Variants in GALNT17 observed in about 807,000 individuals in gnomAD.
GALNT17 encodes polypeptide N-acetylgalactosaminyltransferase 17, also known as UDP-GalNAc:polypeptide N-acetylgalactosaminyltransferase-like 3.
In GALNT17, 29 loss-of-function variants were observed where a neutral mutation model predicts 63.7. The ratio of observed to expected loss-of-function variants is 0.46; its 90% CI spans 0.34 to 0.62. The LOEUF (loss-of-function observed/expected upper bound fraction) is 0.62. GALNT17 is among the 20% of genes least tolerant of loss of function. GALNT17 has a pLI of 0.01. For missense variants in GALNT17, 603 were observed against 799.6 expected (o/e 0.75, Z 2.97); for synonymous variants, 305 against 318.3 (o/e 0.96, Z 0.45).
chr7:71,669,939 C>G (rs1242895653), intron 7 of GALNT17, 33 bp from the exon 8 acceptor site: 1 of 1,612,538 alleles, frequency 6.2e-7, no homozygotes, highest in Non-Finnish European at 8.5e-7. Context: ...GCTCCACAGT[C>G]ACTAACACCC....
At chr7:71,479,333 T>C (rs2116636639) in intron 5 of GALNT17, among the ~76,000 whole-genome samples, 1 of 152,144 alleles carries the variant, frequency 6.6e-6, no homozygotes, top group Middle Eastern at 3.4e-3. Context: ...CCCCACTCAG[T>C]TTTGCACTGG....
rs1048909588 is a variant in GALNT17, at chr7:71,229,440, C to G, written c.238+96400C>G. 7.2e-5 allele frequency among the ~76,000 whole-genome samples: 11 copies of G among 152,318 alleles called. No homozygotes were observed. The East Asian group carries it at 1.9e-3, about 27-fold the overall frequency. On this transcript the variant is annotated intron_variant, in intron 1 of 10. Coordinates refer to ENST00000333538, the MANE Select transcript of GALNT17 (RefSeq NM_022479.3). ...TCATGTTTTGGAGCGTTTCCTGGCT[C>G]TTTCGTCAGCCTCAGTCCATTTGGA...
chr7:71,551,710 A>G (rs1451189808), intron 5 of GALNT17, among the ~76,000 whole-genome samples: 1 of 151,506 alleles, frequency 6.6e-6, no homozygotes, highest in Non-Finnish European at 1.5e-5. Context: ...TTGAGCTATG[A>G]TCACACCACT....
chr7:71,491,533 A>G (rs560321161), intron 5 of GALNT17, among the ~76,000 whole-genome samples: 1 of 152,276 alleles, frequency 6.6e-6, no homozygotes, highest in African/African-American at 2.4e-5. Context: ...TTAATCCACT[A>G]TCTGTGCAGT....
intron 1 of GALNT17, among the ~76,000 whole-genome samples, chr7:71,211,289 T>A (rs1789372714): frequency 6.6e-6 from 1 of 152,138 alleles, no homozygotes; most frequent in South Asian, 2.1e-4. Context: ...CGAGATCTGA[T>A]GGGTTTATCA....
intron 5 of GALNT17, among the ~76,000 whole-genome samples, chr7:71,538,550 T>A (rs1017427876): frequency 2.0e-5 from 3 of 152,084 alleles, no homozygotes; most frequent in South Asian, 2.1e-4. Flanking sequence ...AACTTGAGAG[T>A]GAGAGTTCAG....
At chr7:71,643,341 G>A (rs752637810) in intron 6 of GALNT17, among the ~76,000 whole-genome samples, 1 of 151,964 alleles carries the variant, frequency 6.6e-6, no homozygotes, top group African/African-American at 2.4e-5. Context: ...GGTGGCGTGT[G>A]CCTGTAATCC....
chr7:71,519,825 G>A (rs1788501377), intron 5 of GALNT17, among the ~76,000 whole-genome samples: 1 of 152,082 alleles, frequency 6.6e-6, no homozygotes, highest in African/African-American at 2.4e-5. Flanking sequence ...GCACCTAGAA[G>A]GCATTCAGTC....
chr7:71,688,377 A>G (rs998515684), intron 9 of GALNT17, among the ~76,000 whole-genome samples: 1 of 151,842 alleles, frequency 6.6e-6, no homozygotes, highest in Non-Finnish European at 1.5e-5. Context: ...CTGTGTGTAC[A>G]CTCCTTGCAG....
chr7:71,473,390 C>T (rs1044867421), intron 5 of GALNT17, among the ~76,000 whole-genome samples: 2 of 152,130 alleles, frequency 1.3e-5, no homozygotes, highest in African/African-American at 2.4e-5. Context: ...ACACATTTTC[C>T]TCAGAAAAGA....
chr7:71,214,281 TC>T (rs758939679), intron 1 of GALNT17, among the ~76,000 whole-genome samples: 1 of 152,256 alleles, frequency 6.6e-6, no homozygotes, highest in Non-Finnish European at 1.5e-5. Context: ...TAACAGCTTT[TC>T]TGGACGAAGA....
At chr7:71,601,724 G>A (rs1789969821) in intron 6 of GALNT17, among the ~76,000 whole-genome samples, 1 of 152,110 alleles carries the variant, frequency 6.6e-6, no homozygotes, top group Non-Finnish European at 1.5e-5. Context: ...GTTCAAGGCT[G>A]TAACAAGCTA....
intron 1 of GALNT17, among the ~76,000 whole-genome samples, chr7:71,183,223 G>T (rs1390731778): frequency 3.9e-5 from 6 of 152,072 alleles, no homozygotes; most frequent in Non-Finnish European, 8.8e-5. Context: ...GTCTAGCTGG[G>T]CATTTCACGA....
chr7:71,345,569 C>T (rs557310438), intron 2 of GALNT17, among the ~76,000 whole-genome samples: 64 of 152,244 alleles, frequency 4.2e-4, no homozygotes, highest in Middle Eastern at 3.4e-3. Flanking sequence ...TGAACAGAGG[C>T]ATGTTGTGGT....
intron 6 of GALNT17, among the ~76,000 whole-genome samples, chr7:71,617,564 C>T (rs1790231250): frequency 6.6e-6 from 1 of 152,058 alleles, no homozygotes; most frequent in Non-Finnish European, 1.5e-5. Flanking sequence ...TCGTGATCCA[C>T]CTACCTTGGC....
intron 6 of GALNT17, among the ~76,000 whole-genome samples, chr7:71,605,544 C>T (rs1268133388): frequency 1.3e-5 from 2 of 150,156 alleles, no homozygotes; most frequent in African/African-American, 5.0e-5. Context: ...CAAGATAGCA[C>T]CACTGCACTC....
chr7:71,621,537 T>TGGATGGATA (rs1554316541), intron 6 of GALNT17, among the ~76,000 whole-genome samples: 14 of 139,042 alleles, frequency 1.0e-4, no homozygotes, highest in East Asian at 2.0e-4. Flanking sequence ...ATGGATGGAT[T>TGGATGGATA]GATGGATTGA....
intron 5 of GALNT17, among the ~76,000 whole-genome samples, chr7:71,475,655 C>T (rs1197093963): frequency 3.9e-5 from 6 of 152,108 alleles, no homozygotes; most frequent in African/African-American, 7.2e-5. Context: ...TACCTGTCTG[C>T]GGCCCTGGGG....
intron 1 of GALNT17, among the ~76,000 whole-genome samples, chr7:71,283,621 A>G (rs906839552): frequency 6.6e-6 from 1 of 152,054 alleles, no homozygotes; most frequent in African/African-American, 2.4e-5. Context: ...CTTAAATTGT[A>G]GTTTCTATAT....
Sources: gnomAD v4.1 joint callset for allele counts (sites outside exome capture counted in the v4.1 genomes callset) on GRCh38, gnomAD v4.1.1 for gene constraint, MANE v1.5 for transcripts, NCBI Gene and HGNC (gene_info 2026-07-23, HGNC 2026-07-21) for gene names.